Variants in ADAMTS8 observed in about 807,000 individuals in gnomAD.
ADAMTS8 encodes A disintegrin and metalloproteinase with thrombospondin motifs 8.
ADAMTS8 carries 50 observed loss-of-function variants against 64.4 expected under a neutral mutation model. The observed-to-expected ratio is 0.78, with a 90% CI of 0.62 to 0.98. The LOEUF (loss-of-function observed/expected upper bound fraction) is 0.98. Ranked by LOEUF, ADAMTS8 falls within the 50% of genes least tolerant of loss-of-function variation. The pLI is 0.00. For synonymous variants in ADAMTS8, 556 were observed against 533.6 expected, an observed-to-expected ratio of 1.04 and a Z score of -0.58; for missense variants, 1,192 against 1,208.2, an observed-to-expected ratio of 0.99 and a Z score of 0.20.
intron 1 of ADAMTS8, among the ~76,000 whole-genome samples, chr11:130,421,181 C>A (rs1862094452): frequency 6.6e-6 from 1 of 152,194 alleles, no homozygotes; most frequent in South Asian, 2.1e-4. Flanking sequence ...GAGGTTGGGG[C>A]AAGTCTGTGT....
intron 2 of ADAMTS8, 123 bp downstream of exon 2, chr11:130,418,930 C>G: frequency 1.3e-6 from 2 of 1,483,764 alleles, no homozygotes. Flanking sequence ...GCATGAGGCT[C>G]TGGCGTCCAG....
chr11:130,413,823 C>A (rs1861983132), intron 5 of ADAMTS8, among the ~76,000 whole-genome samples: 1 of 152,194 alleles, frequency 6.6e-6, no homozygotes, highest in Non-Finnish European at 1.5e-5. Context: ...TCACTCAATT[C>A]TTGATGGAAT....
At chr11:130,412,275 G>T (rs549320017) in intron 5 of ADAMTS8, among the ~76,000 whole-genome samples, 96 of 152,336 alleles carry the variant, frequency 6.3e-4, no homozygotes, top group African/African-American at 2.1e-3. Flanking sequence ...GTTCAAAGGC[G>T]TGATCTCGGC....
At chr11:130,419,359 T>G in intron 1 of ADAMTS8, 67 bp from the exon 2 acceptor site, 3 of 1,593,746 alleles carry the variant, frequency 1.9e-6, no homozygotes, top group Non-Finnish European at 2.6e-6. Context: ...GCCTGGCCTG[T>G]CCGCTGCCAT....
intron 2 of ADAMTS8, among the ~76,000 whole-genome samples, chr11:130,418,162 C>T (rs1336996922): frequency 6.6e-6 from 1 of 152,028 alleles, no homozygotes; most frequent in Admixed American, 6.6e-5. Flanking sequence ...GCCTGGGTGA[C>T]AGAGCGAGAC....
intron 8 of ADAMTS8, among the ~76,000 whole-genome samples, chr11:130,408,147 C>T (rs542620125): frequency 2.0e-5 from 3 of 152,066 alleles, no homozygotes; most frequent in Admixed American, 6.5e-5. Flanking sequence ...CAGTGTGGCT[C>T]GATTGACTCA....
chr11:130,425,456 C>T (rs1048196378), intron 1 of ADAMTS8, among the ~76,000 whole-genome samples: 2 of 152,108 alleles, frequency 1.3e-5, no homozygotes, highest in Admixed American at 6.5e-5. Flanking sequence ...TCTGCTGGCA[C>T]GGAGTTCTCT....
rs138146264 is a variant in ADAMTS8 at position 130,411,654 on chromosome 11, A to G, written c.1567-54T>C. Reference sequence around the variant, plus strand: ...GGAGCAAAGGCCAGGAGGCTTCAGTATCTGTGTCACTGGGTGGCCAATGCC... The same window carrying G: ...GGAGCAAAGGCCAGGAGGCTTCAGTGTCTGTGTCACTGGGTGGCCAATGCC... On this transcript the variant is annotated intron_variant, in intron 5 of 8. Transcript: ENST00000257359. The surrounding 1 kb of genome is among the most constrained non-coding windows in gnomAD (Gnocchi z 4.2). 1.3e-6 allele frequency: 2 copies of G among 1,584,504 alleles called. No individual in the cohort carries two copies. Among genetic ancestry groups the G allele is most frequent in the Non-Finnish European group, 1.7e-6 (2 of 1,158,914 alleles).
chr11:130,408,362 C>T lies in ADAMTS8; in HGVS notation c.2099+102G>A, dbSNP rs1237220249. On this transcript the variant is annotated intron_variant, in intron 8 of 8. Coordinates refer to ENST00000257359, the MANE Select transcript of ADAMTS8 (RefSeq NM_007037.6). Reference sequence around the variant, plus strand: ...GTTTAAATAACTTGCCCAACCCTCACAGCTATTAAGTAGCAGCCACAGTTC... The same window carrying T: ...GTTTAAATAACTTGCCCAACCCTCATAGCTATTAAGTAGCAGCCACAGTTC... 2.1e-6 allele frequency: 3 copies of T among 1,398,568 alleles called. No homozygotes were observed. The African/African-American group carries it at 4.3e-5, about 20-fold the overall frequency. The allele number at this position is 1,398,568 out of a possible 1,614,324, so 86.6% of individuals were successfully genotyped here. A position where few individuals can be genotyped will look rare whatever the true frequency, so the allele number is the denominator to read the frequency against.
chr11:130,407,292 T>C (rs1592127529), intron 8 of ADAMTS8, among the ~76,000 whole-genome samples: 1 of 152,146 alleles, frequency 6.6e-6, no homozygotes, highest in Non-Finnish European at 1.5e-5. Flanking sequence ...TGCTTGAACC[T>C]GGGAAGCAGG....
chr11:130,417,174 G>A, intron 2 of ADAMTS8, 99 bp from the exon 3 acceptor site: 1 of 1,497,208 alleles, frequency 6.7e-7, no homozygotes, highest in East Asian at 2.3e-5. Context: ...CGTGGGAGTG[G>A]ACCACTGAGC....
In ADAMTS8 at chr11:130,411,501, G is replaced by A; in HGVS notation, c.1666C>T (p.Pro556Ser). Reference protein sequence around the residue: ...VQFSHRECKDPEPQNGGRYCL... With the variant: ...VQFSHRECKDSEPQNGGRYCL... ...TATCTTCCTCCATTCTGAGGCTCGG[G>A]GTCCTTGCACTCACGGTGTGAAAAC... is the stretch of plus-strand genomic sequence containing the variant. The change falls in exon 6 of 9, where the codon CCC (proline) becomes TCC (serine). Residue 556 changes from proline to serine, a missense_variant. This residue lies in a region of ADAMTS8 where 290 missense variants were observed against 297.8 expected (regional missense o/e 0.97). Transcript: ENST00000257359. The surrounding 1 kb of genome is among the most constrained non-coding windows in gnomAD (Gnocchi z 4.2). The A allele has an allele frequency of 6.2e-7, 1 of 1,614,166 alleles. No homozygotes were observed. The highest frequency in any genetic ancestry group is 8.5e-7 in the Non-Finnish European group (1 of 1,180,026).
At chr11:130,423,634 C>T (rs937307680) in intron 1 of ADAMTS8, among the ~76,000 whole-genome samples, 39 of 152,160 alleles carry the variant, frequency 2.6e-4, no homozygotes, top group Non-Finnish European at 1.5e-4. Context: ...TGACCTCCTG[C>T]GAGTGTTCTG....
intron 4 of ADAMTS8, among the ~76,000 whole-genome samples, chr11:130,415,532 T>C (rs1862010486): frequency 1.3e-5 from 2 of 151,808 alleles, no homozygotes; most frequent in African/African-American, 4.8e-5. Flanking sequence ...CTCGAACTCC[T>C]GACCTTGTGA....
intron 8 of ADAMTS8, among the ~76,000 whole-genome samples, chr11:130,407,837 A>G (rs1482779241): frequency 6.6e-6 from 1 of 152,216 alleles, no homozygotes; most frequent in Non-Finnish European, 1.5e-5. Flanking sequence ...CTGCAAAATG[A>G]GGAATAGTAT....
intron 2 of ADAMTS8, among the ~76,000 whole-genome samples, chr11:130,418,661 G>A (rs1862058483): frequency 6.6e-6 from 1 of 152,214 alleles, no homozygotes; most frequent in Non-Finnish European, 1.5e-5. Context: ...GTGTAGGTGG[G>A]CAGCCCTCCT....
rs1862211162 is a variant in ADAMTS8, at chr11:130,428,319, G to A, written c.-33C>T. On this transcript the variant is annotated 5_prime_UTR_variant, in exon 1 of 9. Coordinates refer to ENST00000257359, the MANE Select transcript of ADAMTS8 (RefSeq NM_007037.6). ...GCGGCGGTGGCTGCGCGCAGGAGAG[G>A]GAAGAAGCCCGCCAGGCGCGGGCAG... The A allele has an allele frequency of 4.0e-6, 5 of 1,259,752 alleles. No homozygotes were observed. Among genetic ancestry groups the A allele is most frequent in the Non-Finnish European group, 5.0e-6 (5 of 994,300 alleles). The allele number at this position is 1,259,752 out of a possible 1,614,324, so 78.0% of individuals were successfully genotyped here.
intron 5 of ADAMTS8, among the ~76,000 whole-genome samples, chr11:130,413,481 G>A (rs1286771263): frequency 6.6e-6 from 1 of 152,192 alleles, no homozygotes; most frequent in African/African-American, 2.4e-5. Context: ...GCGATTCAGC[G>A]CTGGCGGGGA....
At chr11:130,417,500 G>A (rs1234043657) in intron 2 of ADAMTS8, among the ~76,000 whole-genome samples, 3 of 142,796 alleles carry the variant, frequency 2.1e-5, no homozygotes, top group Non-Finnish European at 4.4e-5. Context: ...CGGACAATCC[G>A]GCTCCTTCGG....
Sources: allele counts gnomAD v4.1 joint callset (sites outside exome capture counted in the v4.1 genomes callset), GRCh38; gene constraint gnomAD v4.1.1; regional missense constraint gnomAD v4.1.1; non-coding constraint Gnocchi (gnomAD v3.1); transcripts MANE v1.5; gene names NCBI Gene and HGNC (gene_info 2026-07-23, HGNC 2026-07-21).